CDCP1: variants seen among roughly 807,000 people sequenced by gnomAD.
The protein encoded by CDCP1 is CUB domain-containing protein 1.
Under a neutral mutation model 60.2 loss-of-function variants are expected in CDCP1, and 29 were observed. The observed-to-expected ratio is 0.48, with a 90% CI of 0.36 to 0.66. The LOEUF is 0.66. CDCP1 is among the 30% of genes least tolerant of loss of function. The pLI, the probability that CDCP1 is intolerant of heterozygous loss-of-function variation, is 0.00. For missense variants in CDCP1, 876 were observed against 1,074.3 expected, an observed-to-expected ratio of 0.82 and a Z score of 2.58; for synonymous variants, 387 against 431.1, an observed-to-expected ratio of 0.90 and a Z score of 1.27.
intron 4 of CDCP1, among the ~76,000 whole-genome samples, chr3:45,098,060 T>C (rs1308768190): frequency 6.6e-6 from 1 of 152,140 alleles, no homozygotes; most frequent in Non-Finnish European, 1.5e-5. Context: ...GCCCCTCTGC[T>C]TCTGCAGTCC....
intron 8 of CDCP1, among the ~76,000 whole-genome samples, chr3:45,087,106 GTTTA>G (rs752959707): frequency 3.5e-4 from 46 of 129,912 alleles, no homozygotes; most frequent in Admixed American, 1.0e-3. Context: ...GAAACTGACT[GTTTA>G]TTTGCCTGTC....
intron 2 of CDCP1, among the ~76,000 whole-genome samples, chr3:45,114,413 C>CTCT (rs1553610080): frequency 8.3e-5 from 12 of 143,946 alleles, no homozygotes; most frequent in African/African-American, 2.8e-4. Context: ...CATTAACTCT[C>CTCT]TTTTTTTTTT....
At chr3:45,123,890 A>G (rs1698928837) in intron 1 of CDCP1, among the ~76,000 whole-genome samples, 1 of 152,160 alleles carries the variant, frequency 6.6e-6, no homozygotes, top group African/African-American at 2.4e-5. Context: ...TATGGGCTGA[A>G]AGGCATCCAA....
At chr3:45,120,830 C>T (rs1028796073) in intron 1 of CDCP1, among the ~76,000 whole-genome samples, 2 of 152,138 alleles carry the variant, frequency 1.3e-5, no homozygotes, top group African/African-American at 4.8e-5. Flanking sequence ...AAAGCTGGCT[C>T]CTTGTTGTCA....
chr3:45,146,460 CCTCT>C (rs1329654869), upstream of CDCP1: 2 of 510,864 alleles, frequency 3.9e-6, no homozygotes, highest in African/African-American at 2.0e-5. Context: ...GTGCGTCCCT[CCTCT>C]CTCTCCTCCT....
Position 45,083,579 on chromosome 3 carries a change from CA to C in CDCP1, c.*2058del, listed in dbSNP as rs1460091331. On this transcript the variant is annotated 3_prime_UTR_variant, in exon 9 of 9. Transcript: ENST00000296129. The stretch of plus-strand genomic sequence containing the variant: ...CCAGATCAGAGCAGGGGTGAGGAAG[CA>C]AAAGTCCACAGTTACTGGGCAGGTA... The C allele has an allele frequency of 6.6e-6, 1 of 152,032 alleles. No homozygotes were observed. Among genetic ancestry groups the C allele is most frequent in the Non-Finnish European group, 1.5e-5 (1 of 68,026 alleles). 9.4% of individuals were successfully genotyped at this position (152,032 alleles called of 1,614,324 possible). A position where few individuals can be genotyped will look rare whatever the true frequency, so the allele number is the denominator to read the frequency against.
At chr3:45,092,469 T>G (rs1698312676) in intron 6 of CDCP1, among the ~76,000 whole-genome samples, 1 of 152,140 alleles carries the variant, frequency 6.6e-6, no homozygotes, top group Admixed American at 6.5e-5. Context: ...CATTCCACAC[T>G]GATGAGAATG....
intron 1 of CDCP1, among the ~76,000 whole-genome samples, chr3:45,121,006 C>G (rs546643126): frequency 1.3e-5 from 2 of 152,126 alleles, no homozygotes; most frequent in East Asian, 3.9e-4. Flanking sequence ...TTAGTGGTAG[C>G]CCCACGACCA....
At chr3:45,109,231 G>A (rs1245852876) in intron 4 of CDCP1, among the ~76,000 whole-genome samples, 2 of 151,878 alleles carry the variant, frequency 1.3e-5, no homozygotes, top group Non-Finnish European at 2.9e-5. Flanking sequence ...TTACAGGCAT[G>A]AGCCACCGTG....
chr3:45,093,347 G>T lies in CDCP1; in HGVS notation c.1557C>A (p.Thr519=), dbSNP rs776395916. 2 of 1,614,200 alleles carry T rather than the reference G, an allele frequency of 1.2e-6. No homozygotes were observed. The highest frequency in any genetic ancestry group is 1.7e-6 in the Non-Finnish European group (2 of 1,180,026). The stretch of plus-strand genomic sequence containing the variant: ...CCTCTTGTTGGAAGCTGGGGGCAAA[G>T]GTGCGAAGGGTCACCGAGATGTTCT... The part of the protein sequence containing the change: ...VKQNISVTLR[T]FAPSFQQEAS... Residue 519 remains threonine, a synonymous_variant, in exon 6 of 9, where the codon ACC becomes ACA. Transcript: ENST00000296129.
chr3:45,085,894 C>T lies in CDCP1; in HGVS notation c.2255G>A (p.Gly752Asp), dbSNP rs779270740. The change falls in exon 9 of 9, where the codon GGC becomes GAC. Residue 752 changes from glycine (G) to aspartate (D), a missense_variant. By Grantham distance (94) the Gly-to-Asp change is moderately conservative (BLOSUM62 -1). Around this residue, in one of 2 missense-constraint regions of CDCP1, gnomAD observed 726 missense variants for 935.7 expected, o/e 0.78. Transcript: ENST00000296129. This position sits in a 1 kb window ranked among gnomAD's most constrained non-coding sequence, Gnocchi z 4.2. The part of the protein sequence containing the change: ...VYGHLLQDSS[G>D]SFLQPEVDTY... ...GTCCACCTCTGGCTGCAGGAAGGAGCCGCTGGAATCCTGTAGCAGATGCCC... is the reference window on the plus strand; with the variant it reads ...GTCCACCTCTGGCTGCAGGAAGGAGTCGCTGGAATCCTGTAGCAGATGCCC... The T allele has an allele frequency of 5.0e-6, 8 of 1,614,152 alleles. No homozygotes were observed. Among genetic ancestry groups the T allele is most frequent in the Non-Finnish European group, 6.8e-6 (8 of 1,180,028 alleles).
chr3:45,091,613 G>A lies in CDCP1; in HGVS notation c.1628-75C>T. 6.8e-7 allele frequency: 1 copy of A among 1,480,634 alleles called. No individual in the cohort carries two copies. Among genetic ancestry groups the A allele is most frequent in the Non-Finnish European group, 9.0e-7 (1 of 1,114,838 alleles). The allele number at this position is 1,480,634 out of a possible 1,614,324, so 91.7% of individuals were successfully genotyped here. On this transcript the variant is annotated intron_variant, in intron 6 of 8. Coordinates refer to ENST00000296129, the MANE Select transcript of CDCP1 (RefSeq NM_022842.5). This position sits in a 1 kb window ranked among gnomAD's most constrained non-coding sequence, Gnocchi z 4.8. The stretch of plus-strand genomic sequence containing the variant: ...GGAGAGGAAAGGGAGTGGTGGAGGA[G>A]ACGAAGTCCAACTGTCCAGACCAGC...
At chr3:45,121,189 T>C (rs574178392) in intron 1 of CDCP1, among the ~76,000 whole-genome samples, 1 of 152,348 alleles carries the variant, frequency 6.6e-6, no homozygotes, top group African/African-American at 2.4e-5. Flanking sequence ...CAAGGGACTA[T>C]GCATCTTTTA....
intron 1 of CDCP1, among the ~76,000 whole-genome samples, chr3:45,144,090 A>G (rs992727370): frequency 1.3e-5 from 2 of 152,166 alleles, no homozygotes; most frequent in African/African-American, 4.8e-5. Context: ...TATGATCCCA[A>G]TGTAACCAGT....
At chr3:45,089,384 C>T (rs980221754) in intron 7 of CDCP1, among the ~76,000 whole-genome samples, 2 of 152,190 alleles carry the variant, frequency 1.3e-5, no homozygotes, top group Non-Finnish European at 2.9e-5. Flanking sequence ...AGGATGTCAG[C>T]TTGCACTTTC....
intron 2 of CDCP1, among the ~76,000 whole-genome samples, chr3:45,116,101 AT>A (rs969721291): frequency 6.6e-6 from 1 of 152,232 alleles, no homozygotes; most frequent in Non-Finnish European, 1.5e-5. Flanking sequence ...ATGCTGCCAT[AT>A]CTGATAGTTA....
At chr3:45,126,421 T>C (rs1699001791) in intron 1 of CDCP1, among the ~76,000 whole-genome samples, 1 of 152,000 alleles carries the variant, frequency 6.6e-6, no homozygotes, top group Non-Finnish European at 1.5e-5. Context: ...TGCCAGATAG[T>C]CACATCGCCA....
chr3:45,091,353 A>G lies in CDCP1; in HGVS notation c.1813T>C (p.Phe605Leu). ...GTCCGCTGCTCCTGGATGATCATGA[A>G]TGCGCGCCCTGTCTGGCAGACCACG... is the stretch of plus-strand genomic sequence containing the variant. ...SGVVCQTGRA[F>L]MIIQEQRTRA... The change falls in exon 7 of 9, where the codon TTC becomes CTC. Residue 605 changes from phenylalanine to leucine, a missense_variant. Coordinates refer to ENST00000296129, the MANE Select transcript of CDCP1 (RefSeq NM_022842.5). This position sits in a 1 kb window ranked among gnomAD's most constrained non-coding sequence, Gnocchi z 4.8. The G allele has an allele frequency of 1.2e-6, 2 of 1,614,136 alleles. No individual in the cohort carries two copies. Among genetic ancestry groups the G allele is most frequent in the Non-Finnish European group, 1.7e-6 (2 of 1,180,030 alleles).
At chr3:45,145,617 C>T (rs1472637419) in intron 1 of CDCP1, among the ~76,000 whole-genome samples, 1 of 152,124 alleles carries the variant, frequency 6.6e-6, no homozygotes, top group Non-Finnish European at 1.5e-5. Flanking sequence ...GAAATCCGGG[C>T]GCTTTCATTT....
Sources: gnomAD v4.1 joint callset for allele counts (sites outside exome capture counted in the v4.1 genomes callset) on GRCh38, gnomAD v4.1.1 for gene constraint, gnomAD v4.1.1 regional missense constraint, Gnocchi (gnomAD v3.1) non-coding constraint, MANE v1.5 for transcripts, NCBI Gene and HGNC (gene_info 2026-07-23, HGNC 2026-07-21) for gene names.